The following DUSP8 variants were observed in gnomAD, a reference collection of about 807,000 sequenced individuals.
DUSP8 encodes dual specificity protein phosphatase 8.
DUSP8 carries 15 observed loss-of-function variants against 38.7 expected under a neutral mutation model. That is an observed-to-expected ratio of 0.39 (90% CI 0.26 to 0.60). The LOEUF is 0.60. Ranked by LOEUF, DUSP8 falls within the 20% of genes least tolerant of loss-of-function variation. The pLI, the probability that DUSP8 is intolerant of heterozygous loss-of-function variation, is 0.56. For synonymous variants in DUSP8, 458 were observed against 433.9 expected (o/e 1.06, Z -0.69); for missense variants, 768 against 915.0 (o/e 0.84, Z 2.07).
chr11:1,561,188 C>A (rs1344872801), intron 3 of DUSP8, among the ~76,000 whole-genome samples: 1 of 152,124 alleles, frequency 6.6e-6, no homozygotes, highest in Non-Finnish European at 1.5e-5. Context: ...GGGAGGCACC[C>A]CTACCCCCAG....
rs1401234839 is a variant in DUSP8 at position 1,556,516 on chromosome 11, G to A, written c.*2C>T. ...GCGGCGGGGCCGAGGGCAGCGGAGG[G>A]GTCAGGACACCTCGATGACCTCCAC... On this transcript the variant is annotated 3_prime_UTR_variant, in exon 7 of 7. Coordinates refer to ENST00000397374, the MANE Select transcript of DUSP8 (RefSeq NM_004420.3). The surrounding 1 kb of genome is among the most constrained non-coding windows in gnomAD (Gnocchi z 5.2). 56 of 1,291,624 alleles carry A rather than the reference G, an allele frequency of 4.3e-5. 1 individual carries two copies. In the South Asian group the frequency reaches 9.1e-4, roughly 21 times the overall value. 80.0% of individuals were successfully genotyped at this position (1,291,624 alleles called of 1,614,324 possible). A position where few individuals can be genotyped will look rare whatever the true frequency, so the allele number is the denominator to read the frequency against.
rs1848916857 is a variant in DUSP8 at position 1,572,250 on chromosome 11, G to GC, written c.-459dup. Among the ~76,000 whole-genome samples the GC allele has an allele frequency of 6.8e-6, 1 of 147,780 alleles. No homozygotes were observed. The highest frequency in any genetic ancestry group is 1.5e-5 in the Non-Finnish European group (1 of 66,350). On this transcript the variant is annotated 5_prime_UTR_variant, in exon 1 of 7. Transcript: ENST00000397374. This position sits in a 1 kb window ranked among gnomAD's most constrained non-coding sequence, Gnocchi z 4.7. ...GGGCGTCGTGGGGGGAGCCGGCTCG[G>GC]CCGCCGCGCTCGGCCGCGAGTGACA...
Position 1,556,731 on chromosome 11 carries a change from G to C in DUSP8, c.1665C>G (p.Asp555Glu). Residue 555 changes from aspartate (D) to glutamate (E), a missense_variant, in exon 7 of 7, where the codon GAC becomes GAG. Physicochemically the swap from Asp to Glu is conservative, Grantham distance 45 (BLOSUM62 2). Coordinates refer to ENST00000397374, the MANE Select transcript of DUSP8 (RefSeq NM_004420.3). This position sits in a 1 kb window ranked among gnomAD's most constrained non-coding sequence, Gnocchi z 5.2. ...CCCTCGCTGCCTCCCGCCGCCGCAG[G>C]TCGCTGCCGCCGCCTGGTCCCGGGG... ...AGAPGPGGGS[D>E]LRRREAARAE... 8.1e-7 allele frequency: 1 copy of C among 1,229,676 alleles called. No individual in the cohort carries two copies. Among genetic ancestry groups the C allele is most frequent in the Non-Finnish European group, 1.0e-6 (1 of 986,246 alleles). 76.2% of individuals were successfully genotyped at this position (1,229,676 alleles called of 1,614,324 possible). A position where few individuals can be genotyped will look rare whatever the true frequency, so the allele number is the denominator to read the frequency against.
chr11:1,555,228 T>C lies in DUSP8; in HGVS notation c.*1290A>G. 5.1e-6 allele frequency: 5 copies of C among 987,796 alleles called. No homozygotes were observed. Among genetic ancestry groups the C allele is most frequent in the Non-Finnish European group, 6.0e-6 (5 of 830,138 alleles). The allele number at this position is 987,796 out of a possible 1,614,324, so 61.2% of individuals were successfully genotyped here. ...CCAAAAGCCACTTGTGTTTGGGGGC[T>C]GGCATGCCACCTAGAGAGAGAGCAC... On this transcript the variant is annotated 3_prime_UTR_variant, in exon 7 of 7. Coordinates refer to ENST00000397374, the MANE Select transcript of DUSP8 (RefSeq NM_004420.3).
intron 3 of DUSP8, among the ~76,000 whole-genome samples, chr11:1,561,009 C>A (rs1446467979): frequency 1.3e-5 from 2 of 152,084 alleles, no homozygotes; most frequent in African/African-American, 4.8e-5. Flanking sequence ...CCTCCCCAGG[C>A]GGAGCAGGTA....
intron 3 of DUSP8, among the ~76,000 whole-genome samples, chr11:1,563,582 G>A (rs896278591): frequency 1.6e-4 from 24 of 152,174 alleles, no homozygotes; most frequent in African/African-American, 4.8e-4. Flanking sequence ...CAGGAGCTCC[G>A]GGAGTGGGAG....
intron 3 of DUSP8, among the ~76,000 whole-genome samples, chr11:1,563,251 TAC>T (rs1372381680): frequency 6.6e-6 from 1 of 152,188 alleles, no homozygotes; most frequent in African/African-American, 2.4e-5. Flanking sequence ...AGGTGGATTC[TAC>T]AGACACGCCC....
chr11:1,564,047 C>G, intron 2 of DUSP8, 58 bp from the exon 3 acceptor site: 1 of 1,369,386 alleles, frequency 7.3e-7, no homozygotes, highest in Non-Finnish European at 9.5e-7. Flanking sequence ...GCCCTGGCCC[C>G]GTCCCAGATA....
chr11:1,562,065 A>G (rs1171881242), intron 3 of DUSP8, among the ~76,000 whole-genome samples: 5 of 152,194 alleles, frequency 3.3e-5, no homozygotes, highest in African/African-American at 9.7e-5. Context: ...GGGTGGCATG[A>G]CCAGGCCCTG....
In DUSP8 at chr11:1,558,742, G is replaced by GGA; in HGVS notation, c.537+146_537+147insTC. The GGA allele has an allele frequency of 1.0e-6, 1 of 996,362 alleles. No homozygotes were observed. Among genetic ancestry groups the GGA allele is most frequent in the Non-Finnish European group, 1.4e-6 (1 of 690,024 alleles). 61.7% of individuals were successfully genotyped at this position (996,362 alleles called of 1,614,324 possible). On this transcript the variant is annotated intron_variant, in intron 4 of 6. Coordinates refer to ENST00000397374, the MANE Select transcript of DUSP8 (RefSeq NM_004420.3). The surrounding 1 kb of genome is among the most constrained non-coding windows in gnomAD (Gnocchi z 6.3). ...TGGGTGGGGAGCCTGGGGTCCTCCT[G>GGA]GGCCCCCACCCATGCTTCTCCCACA...
intron 1 of DUSP8, among the ~76,000 whole-genome samples, chr11:1,568,024 G>A (rs749416794): frequency 4.6e-5 from 7 of 152,168 alleles, no homozygotes; most frequent in South Asian, 2.1e-4. Flanking sequence ...CAGGTGCCCC[G>A]TAGGATACCC....
rs1268936125 is a variant in DUSP8, at chr11:1,572,105, G to A, written c.-313C>T. Among the ~76,000 whole-genome samples, 3 of 145,552 alleles carry A rather than the reference G, an allele frequency of 2.1e-5. No homozygotes were observed. The highest frequency in any genetic ancestry group is 6.8e-5 in the Admixed American group (1 of 14,668). On this transcript the variant is annotated 5_prime_UTR_variant, in exon 1 of 7. Transcript: ENST00000397374. This position sits in a 1 kb window ranked among gnomAD's most constrained non-coding sequence, Gnocchi z 4.7. ...CTCGGGCCGGGGCGCGCGCACTGCG[G>A]GCGGGCACGCGCGCTCGCGGCGCGC... is the stretch of plus-strand genomic sequence containing the variant.
At position 1,564,029 on chromosome 11, in the gene DUSP8, C is replaced by T. The variant is rs377453113; in HGVS notation, c.232-40G>A. On this transcript the variant is annotated intron_variant, in intron 2 of 6. Transcript: ENST00000397374. ...GCAGAGATCAGCATGCCGCCTCCAC[C>T]TATCGATGCCCTGGCCCCGTCCCAG... The T allele has an allele frequency of 1.2e-4, 170 of 1,408,084 alleles. 3 individuals carry two copies. In the African/African-American group the frequency reaches 2.1e-3, roughly 18 times the overall value. The allele number at this position is 1,408,084 out of a possible 1,614,324, so 87.2% of individuals were successfully genotyped here. A position where few individuals can be genotyped will look rare whatever the true frequency, so the allele number is the denominator to read the frequency against.
In DUSP8 at chr11:1,557,856, A is replaced by C. The variant is rs1564932576; in HGVS notation, c.759T>G (p.Ser253=). ...TGATGTAGGCGATGGCGATGGTGGC[A>C]GAGCGGGAGATGCCAGCCAGACAGT... The part of the protein sequence containing the change: ...IVHCLAGISR[S]ATIAIAYIMK... The change falls in exon 6 of 7, where the codon TCT becomes TCG. Residue 253 remains serine (S), a synonymous_variant. Coordinates refer to ENST00000397374, the MANE Select transcript of DUSP8 (RefSeq NM_004420.3). The surrounding 1 kb of genome is among the most constrained non-coding windows in gnomAD (Gnocchi z 9.9). 7 of 1,613,848 alleles carry C rather than the reference A, an allele frequency of 4.3e-6. No homozygotes were observed. Among genetic ancestry groups the C allele is most frequent in the Non-Finnish European group, 5.9e-6 (7 of 1,180,026 alleles).
rs1377604597 is a variant in DUSP8, at chr11:1,557,159, G to T, written c.1237C>A (p.Pro413Thr). The change falls in exon 7 of 7, where the codon CCC becomes ACC. Residue 413 changes from proline to threonine, a missense_variant. Pro to Thr is a conservative substitution (Grantham distance 38, BLOSUM62 -1). This residue lies in a region of DUSP8 where 474 missense variants were observed against 430.8 expected (regional missense o/e 1.10). Transcript: ENST00000397374. The surrounding 1 kb of genome is among the most constrained non-coding windows in gnomAD (Gnocchi z 9.9). ...TTCGGGGCCTCGCCGGGGTCGGGGG[G>T]CCCGGGGCCGTCGGGCCGCCTGCTA... ...APSRRPDGPG[P>T]PDPGEAPKLC... is the part of the protein sequence containing the mutation. The T allele has an allele frequency of 9.7e-5, 140 of 1,441,744 alleles. No individual in the cohort carries two copies. The highest frequency in any genetic ancestry group is 1.2e-4 in the Non-Finnish European group (134 of 1,105,330). 89.3% of individuals were successfully genotyped at this position (1,441,744 alleles called of 1,614,324 possible). A position where few individuals can be genotyped will look rare whatever the true frequency, so the allele number is the denominator to read the frequency against.
chr11:1,566,953 G>T (rs1463069624), intron 1 of DUSP8, among the ~76,000 whole-genome samples: 1 of 152,184 alleles, frequency 6.6e-6, no homozygotes, highest in Non-Finnish European at 1.5e-5. Context: ...CCTGTCACCT[G>T]CCAGGACTGG....
Position 1,557,323 on chromosome 11 carries a change from G to A in DUSP8, c.1073C>T (p.Pro358Leu), listed in dbSNP as rs563264932. Residue 358 changes from proline (P) to leucine (L), a missense_variant, in exon 7 of 7, where the codon CCC becomes CTC. Physicochemically the swap from Pro to Leu is moderately conservative, Grantham distance 98. Around this residue, in one of 3 missense-constraint regions of DUSP8, gnomAD observed 474 missense variants for 430.8 expected, o/e 1.10. Transcript: ENST00000397374. This position sits in a 1 kb window ranked among gnomAD's most constrained non-coding sequence, Gnocchi z 9.9. ...CGCCGGGGGCGTGGGGGGCGCGGGG[G>A]GCTCCCCGCCCGCGCTCAGGCCGCC... ...REGGLSAGGE[P>L]PAPPTPPATS... is the part of the protein sequence containing the mutation. 2 of 1,498,856 alleles carry A rather than the reference G, an allele frequency of 1.3e-6. No individual in the cohort carries two copies. Among genetic ancestry groups the A allele is most frequent in the Non-Finnish European group, 8.8e-7 (1 of 1,136,162 alleles). The allele number at this position is 1,498,856 out of a possible 1,614,324, so 92.8% of individuals were successfully genotyped here.
At chr11:1,561,403 T>A (rs998399629) in intron 3 of DUSP8, among the ~76,000 whole-genome samples, 2 of 152,102 alleles carry the variant, frequency 1.3e-5, no homozygotes, top group Non-Finnish European at 2.9e-5. Context: ...GCCCGCCACC[T>A]CCATGACCCC....
rs1225209640 is a variant in DUSP8, at chr11:1,558,633, G to A, written c.537+256C>T. Among the ~76,000 whole-genome samples, 1 of 152,106 alleles carries A rather than the reference G, an allele frequency of 6.6e-6. No homozygotes were observed. Among genetic ancestry groups the A allele is most frequent in the Non-Finnish European group, 1.5e-5 (1 of 67,996 alleles). Reference sequence around the variant, plus strand: ...GCTGGCCAGAGGCCCAGTGACATCCGCAGCTTGGCATGCCAGCTCCCCGCT... The same window carrying A: ...GCTGGCCAGAGGCCCAGTGACATCCACAGCTTGGCATGCCAGCTCCCCGCT... On this transcript the variant is annotated intron_variant, in intron 4 of 6. Coordinates refer to ENST00000397374, the MANE Select transcript of DUSP8 (RefSeq NM_004420.3). This position sits in a 1 kb window ranked among gnomAD's most constrained non-coding sequence, Gnocchi z 6.3.
Sources: allele counts gnomAD v4.1 joint callset (sites outside exome capture counted in the v4.1 genomes callset), GRCh38; gene constraint gnomAD v4.1.1; regional missense constraint gnomAD v4.1.1; non-coding constraint Gnocchi (gnomAD v3.1); transcripts MANE v1.5; gene names NCBI Gene and HGNC (gene_info 2026-07-23, HGNC 2026-07-21).